TRMU: variants seen among roughly 807,000 people sequenced by gnomAD.
TRMU encodes the protein tRNA mitochondrial 2-thiouridylase, also known as mitochondrial tRNA-specific 2-thiouridylase 1.
TRMU carries 49 observed loss-of-function variants against 46.9 expected under a neutral mutation model. The observed-to-expected ratio is 1.05, with a 90% confidence interval of 0.83 to 1.33. TRMU has a LOEUF of 1.33. Ranked by LOEUF, TRMU falls within the 40% of genes most tolerant of loss-of-function variation. TRMU has a pLI of 0.00. For missense variants in TRMU, 572 were observed against 532.4 expected, an observed-to-expected ratio of 1.07 and a Z score of -0.73; for synonymous variants, 241 against 200.9, an observed-to-expected ratio of 1.20 and a Z score of -1.69.
rs2078146511 is a variant in TRMU at position 46,342,452 on chromosome 22, G to A, written c.249-810G>A. Among the ~76,000 whole-genome samples, 1 of 152,164 alleles carries A rather than the reference G, an allele frequency of 6.6e-6. No individual in the cohort carries two copies. The highest frequency in any genetic ancestry group is 2.4e-5 in the African/African-American group (1 of 41,438). On this transcript the variant is annotated intron_variant, in intron 2 of 10. Transcript: ENST00000645190. The surrounding 1 kb of genome is among the most constrained non-coding windows in gnomAD (Gnocchi z 4.7). ...GAAGCTCTCTGAACCCAGTACTCCT[G>A]GGTTTTTATGGAGGCTTCATGACAT...
rs367652919 is a variant in TRMU at position 46,336,020 on chromosome 22, C to T, written c.82+174C>T. On this transcript the variant is annotated intron_variant, in intron 1 of 10. Transcript: ENST00000645190. This position sits in a 1 kb window ranked among gnomAD's most constrained non-coding sequence, Gnocchi z 4.1. The stretch of plus-strand genomic sequence containing the variant: ...GGTTCGGAGGCTCCTCGCCCTCCAC[C>T]TGTGTAGTCGGAGGTGTGCGCGACT... 6.3e-6 allele frequency: 9 copies of T among 1,439,406 alleles called. No homozygotes were observed. In the East Asian group the frequency reaches 7.9e-5, roughly 13 times the overall value. 89.2% of individuals were successfully genotyped at this position (1,439,406 alleles called of 1,614,324 possible). A position where few individuals can be genotyped will look rare whatever the true frequency, so the allele number is the denominator to read the frequency against.
Position 46,337,861 on chromosome 22 carries a change from A to C in TRMU, c.165A>C (p.Glu55Asp). Residue 55 changes from glutamate to aspartate, a missense_variant, in exon 2 of 11, where the codon GAA becomes GAC. Glu to Asp is a conservative substitution (Grantham distance 45). Coordinates refer to ENST00000645190, the MANE Select transcript of TRMU (RefSeq NM_018006.5). Reference protein sequence around the residue: ...HGVCTADKDCEDAYRVCQILD... With the variant: ...HGVCTADKDCDDAYRVCQILD... ...TCTGTACTGCCGACAAAGACTGTGA[A>C]GATGCTTACAGAGTTTGCCAGATCT... 6.2e-7 allele frequency: 1 copy of C among 1,614,262 alleles called. No individual in the cohort carries two copies. Among genetic ancestry groups the C allele is most frequent in the Non-Finnish European group, 8.5e-7 (1 of 1,180,050 alleles).
Position 46,351,701 on chromosome 22 carries a change from G to A in TRMU, c.652-420G>A. The A allele has an allele frequency of 3.1e-6, 1 of 325,084 alleles. No homozygotes were observed. Among genetic ancestry groups the A allele is most frequent in the Non-Finnish European group, 6.0e-6 (1 of 166,340 alleles). 20.1% of individuals were successfully genotyped at this position (325,084 alleles called of 1,614,324 possible). On this transcript the variant is annotated intron_variant, in intron 5 of 10. Coordinates refer to ENST00000645190, the MANE Select transcript of TRMU (RefSeq NM_018006.5). The surrounding 1 kb of genome is among the most constrained non-coding windows in gnomAD (Gnocchi z 6.4). ...CTCCCCAGCTAGGGCAGATGTGCTT[G>A]AGGAAGGCGCCTCTCTCCTCTGACT...
intron 3 of TRMU, among the ~76,000 whole-genome samples, chr22:46,345,456 A>G (rs1319217212): frequency 1.3e-5 from 2 of 152,240 alleles, no homozygotes; most frequent in South Asian, 2.1e-4. Context: ...TGTAATATGA[A>G]AAGAAGAAAC....
At chr22:46,345,547 A>C (rs1425852250) in intron 3 of TRMU, among the ~76,000 whole-genome samples, 1 of 152,228 alleles carries the variant, frequency 6.6e-6, no homozygotes, top group Non-Finnish European at 1.5e-5. Flanking sequence ...AACGACACCT[A>C]TAATTTCACT....
chr22:46,355,367 T>A, intron 8 of TRMU, 77 bp from the exon 9 acceptor site: 1 of 1,573,050 alleles, frequency 6.4e-7, no homozygotes, highest in Non-Finnish European at 8.6e-7. Flanking sequence ...AGGACAGTTG[T>A]TCCCAGGGAC....
chr22:46,351,129 A>G lies in TRMU; in HGVS notation c.651+666A>G, dbSNP rs1028352266. Among the ~76,000 whole-genome samples, 4 of 152,158 alleles carry G rather than the reference A, an allele frequency of 2.6e-5. No individual in the cohort carries two copies. The highest frequency in any genetic ancestry group is 4.8e-5 in the African/African-American group (2 of 41,422). Reference sequence around the variant, plus strand: ...GAAGTCACATGGAACCTGAGACCTGAAGGAGGAGAGGATCCGGTGTCCCAG... The same window carrying G: ...GAAGTCACATGGAACCTGAGACCTGGAGGAGGAGAGGATCCGGTGTCCCAG... On this transcript the variant is annotated intron_variant, in intron 5 of 10. Transcript: ENST00000645190. The surrounding 1 kb of genome is among the most constrained non-coding windows in gnomAD (Gnocchi z 6.4).
In TRMU at chr22:46,351,999, C is replaced by T; in HGVS notation, c.652-122C>T. On this transcript the variant is annotated intron_variant, in intron 5 of 10. Transcript: ENST00000645190. The surrounding 1 kb of genome is among the most constrained non-coding windows in gnomAD (Gnocchi z 6.4). ...AGGGTGCCGGTGGGCAGCCGGGCCC[C>T]TACCCTGGAAGCAAAGTGTGGGGTG... is the stretch of plus-strand genomic sequence containing the variant. 1 of 1,149,036 alleles carries T rather than the reference C, an allele frequency of 8.7e-7. No individual in the cohort carries two copies. Among genetic ancestry groups the T allele is most frequent in the East Asian group, 2.3e-5 (1 of 42,728 alleles). 71.2% of individuals were successfully genotyped at this position (1,149,036 alleles called of 1,614,324 possible).
intron 8 of TRMU, chr22:46,354,704 A>G (rs1171079601): frequency 6.6e-6 from 1 of 152,650 alleles, no homozygotes; most frequent in East Asian, 1.9e-4. Context: ...TAAATGATCT[A>G]GATTTCAGTT....
rs1457354424 is a variant in TRMU at position 46,352,303 on chromosome 22, G to A, written c.745G>A (p.Asp249Asn). ...PRPGHFISIE[D>N]NKVLGTHKGW... Reference sequence around the variant, plus strand: ...ACCTGGTCACTTTATTTCCATAGAAGACAATAAGGTTCTGGGAACACATAA... The same window carrying A: ...ACCTGGTCACTTTATTTCCATAGAAAACAATAAGGTTCTGGGAACACATAA... The change falls in exon 7 of 11, where the codon GAC (aspartate) becomes AAC (asparagine). Residue 249 changes from aspartate to asparagine, a missense_variant. Asp to Asn is a conservative substitution (Grantham distance 23). Coordinates refer to ENST00000645190, the MANE Select transcript of TRMU (RefSeq NM_018006.5). The A allele has an allele frequency of 5.6e-6, 9 of 1,613,922 alleles. No homozygotes were observed. In the African/African-American group the frequency reaches 8.0e-5, roughly 14 times the overall value.
In TRMU at chr22:46,343,359, G is replaced by T; in HGVS notation, c.346G>T (p.Asp116Tyr). ...KFSCFFHYAV[D>Y]NLGADAIATG... is the part of the protein sequence containing the mutation. ...TAGTTGCTTTTTTCATTATGCTGTG[G>T]ATAATCTTGGTAAGTAATTTGGGTT... Residue 116 changes from aspartate (D) to tyrosine (Y), a missense_variant, in exon 3 of 11, where the codon GAT becomes TAT. By Grantham distance (160) the Asp-to-Tyr change is radical. Transcript: ENST00000645190. 2 of 1,611,508 alleles carry T rather than the reference G, an allele frequency of 1.2e-6. No homozygotes were observed. Among genetic ancestry groups the T allele is most frequent in the South Asian group, 1.1e-5 (1 of 90,970 alleles).
chr22:46,335,871 C>CA, intron 1 of TRMU, 25 bp downstream of exon 1: 1 of 1,534,020 alleles, frequency 6.5e-7, no homozygotes, highest in Non-Finnish European at 8.7e-7. Flanking sequence ...GCTCCCGCCC[C>CA]CCGCCGAGCG....
intron 2 of TRMU, among the ~76,000 whole-genome samples, chr22:46,341,708 G>A (rs186648569): frequency 1.5e-4 from 23 of 152,272 alleles, no homozygotes; most frequent in Admixed American, 1.3e-3. Flanking sequence ...CGAAGACTAT[G>A]AAATTCTTGG....
In TRMU at chr22:46,343,243, T is replaced by A. The variant is rs57347693; in HGVS notation, c.249-19T>A. 7,887 of 1,543,836 alleles carry A rather than the reference T, an allele frequency of 5.1e-3. 316 individuals are homozygous for A. In the African/African-American group the frequency reaches 0.087, roughly 17 times the overall value. On this transcript the variant is annotated intron_variant, in intron 2 of 10. Coordinates refer to ENST00000645190, the MANE Select transcript of TRMU (RefSeq NM_018006.5). ...GAATGTTTCACACTTGGAACTGAAGTCATTTTCTTTTATTCTAGTGACTTT... is the reference window on the plus strand; with the variant it reads ...GAATGTTTCACACTTGGAACTGAAGACATTTTCTTTTATTCTAGTGACTTT...
chr22:46,356,723 G>A (rs895191064), intron 10 of TRMU, 119 bp from the exon 11 acceptor site: 4 of 1,238,638 alleles, frequency 3.2e-6, no homozygotes, highest in African/African-American at 1.5e-5. Context: ...CTGCTCCCCT[G>A]GGAGCTCAGT....
chr22:46,346,600 G>A, intron 4 of TRMU, 56 bp downstream of exon 4: 1 of 1,584,116 alleles, frequency 6.3e-7, no homozygotes, highest in Non-Finnish European at 8.6e-7. Flanking sequence ...TGAAATCTTT[G>A]GAGGAATGAC....
At chr22:46,354,276 GC>G (rs1050090965) in intron 8 of TRMU, 87 of 282,414 alleles carry the variant, frequency 3.1e-4, no homozygotes, top group African/African-American at 1.7e-3. Context: ...ATCAAACCAA[GC>G]CTTCCACCAC....
intron 2 of TRMU, among the ~76,000 whole-genome samples, chr22:46,340,962 C>T (rs2078107631): frequency 6.6e-6 from 1 of 152,244 alleles, no homozygotes; most frequent in African/African-American, 2.4e-5. Context: ...ATTGGTCTTT[C>T]CGCTGAAGAC....
At chr22:46,356,636 A>G in intron 10 of TRMU, 1 of 605,960 alleles carries the variant, frequency 1.7e-6, no homozygotes, top group Non-Finnish European at 2.9e-6. Flanking sequence ...AGGTACCCTG[A>G]AGACCCTCCC....
Sources: gnomAD v4.1 joint callset for allele counts (sites outside exome capture counted in the v4.1 genomes callset) on GRCh38, gnomAD v4.1.1 for gene constraint, Gnocchi (gnomAD v3.1) non-coding constraint, MANE v1.5 for transcripts, NCBI Gene and HGNC (gene_info 2026-07-23, HGNC 2026-07-21) for gene names.